The following PDLIM1 variants were observed in gnomAD, a reference collection of about 807,000 sequenced individuals.
PDLIM1 encodes the protein PDZ and LIM domain 1, also known as PDZ and LIM domain protein 1.
PDLIM1 carries 25 observed loss-of-function variants against 35.2 expected under a neutral mutation model. The observed-to-expected ratio is 0.71, with a 90% CI of 0.52 to 0.99. PDLIM1 has a LOEUF of 0.99. Ranked by LOEUF, PDLIM1 falls within the 50% of genes least tolerant of loss-of-function variation. PDLIM1 has a pLI of 0.00. For missense variants in PDLIM1, 363 were observed against 415.3 expected, an observed-to-expected ratio of 0.87 and a Z score of 1.09; for synonymous variants, 152 against 154.0, an observed-to-expected ratio of 0.99 and a Z score of 0.10.
chr10:95,264,003 C>A lies in PDLIM1; in HGVS notation c.394G>T (p.Ala132Ser), dbSNP rs150312539. ...ATGACCCTGGCAGTAGTGCTGGAGG[C>A]AGGCGAGGCGGTAAAGGGCATGGCA... The part of the protein sequence containing the change: ...RSAMPFTASP[A>S]SSTTARVITN... Residue 132 changes from alanine to serine, a missense_variant, in exon 4 of 7, where the codon GCC (alanine) becomes TCC (serine). Physicochemically the swap from Ala to Ser is moderately conservative, Grantham distance 99. Transcript: ENST00000329399. The A allele has an allele frequency of 2.6e-4, 423 of 1,613,800 alleles. 6 individuals carry two copies. In the East Asian group the frequency reaches 9.2e-3, roughly 35 times the overall value.
chr10:95,261,912 G>A (rs952129038), intron 4 of PDLIM1, among the ~76,000 whole-genome samples: 2 of 152,030 alleles, frequency 1.3e-5, no homozygotes, highest in Non-Finnish European at 2.9e-5. Flanking sequence ...GGAGGCTGAT[G>A]CAGAAGAATC....
At chr10:95,287,295 C>T (rs925405016) in intron 1 of PDLIM1, among the ~76,000 whole-genome samples, 1 of 152,194 alleles carries the variant, frequency 6.6e-6, no homozygotes, top group African/African-American at 2.4e-5. Context: ...ACAAACCCTT[C>T]TCTTTCAATC....
intron 4 of PDLIM1, among the ~76,000 whole-genome samples, chr10:95,263,191 G>A: frequency 6.7e-6 from 1 of 148,482 alleles, no homozygotes; most frequent in South Asian, 2.1e-4. Context: ...CAGATGATCT[G>A]TGACAGAAGA....
At chr10:95,279,214 A>G (rs149822117) in intron 1 of PDLIM1, among the ~76,000 whole-genome samples, 339 of 152,250 alleles carry the variant, frequency 2.2e-3, no homozygotes, top group Non-Finnish European at 3.9e-3. Context: ...TATGAGACAC[A>G]TGCTCTCCAT....
At chr10:95,244,209 C>G (rs1043965297) in intron 5 of PDLIM1, among the ~76,000 whole-genome samples, 1 of 152,162 alleles carries the variant, frequency 6.6e-6, no homozygotes, top group East Asian at 1.9e-4. Context: ...CCAAGGGCCC[C>G]TTTCTCCTAG....
intron 5 of PDLIM1, 84 bp downstream of exon 5, chr10:95,247,131 G>T: frequency 8.2e-7 from 1 of 1,218,452 alleles, no homozygotes; most frequent in Non-Finnish European, 1.2e-6. Context: ...AGGCTCCAGA[G>T]TGTGTTCACC....
chr10:95,268,539 G>A (rs1334161718), intron 3 of PDLIM1, among the ~76,000 whole-genome samples: 1 of 152,080 alleles, frequency 6.6e-6, no homozygotes, highest in African/African-American at 2.4e-5. Context: ...TTCCCTTATC[G>A]CCTTCCGACC....
chr10:95,254,732 C>T (rs574626896), intron 4 of PDLIM1, among the ~76,000 whole-genome samples: 1 of 152,160 alleles, frequency 6.6e-6, no homozygotes, highest in Non-Finnish European at 1.5e-5. Flanking sequence ...GCCTGGGAAA[C>T]ATGGTGAAAC....
At chr10:95,241,370 T>C (rs1197325689) in intron 5 of PDLIM1, among the ~76,000 whole-genome samples, 7 of 152,210 alleles carry the variant, frequency 4.6e-5, no homozygotes. Flanking sequence ...AAGGGGCATT[T>C]AGAATACATG....
At chr10:95,285,199 G>C (rs1173203024) in intron 1 of PDLIM1, among the ~76,000 whole-genome samples, 2 of 152,148 alleles carry the variant, frequency 1.3e-5, no homozygotes, top group Non-Finnish European at 2.9e-5. Context: ...AATTCTCCCA[G>C]GTGGGGCCAT....
At chr10:95,274,353 G>A (rs1189768594) in intron 1 of PDLIM1, among the ~76,000 whole-genome samples, 2 of 149,590 alleles carry the variant, frequency 1.3e-5, no homozygotes, top group Admixed American at 6.7e-5. Context: ...GTGTACAGTG[G>A]CGCAGTCTCG....
intron 1 of PDLIM1, among the ~76,000 whole-genome samples, chr10:95,279,222 C>G (rs1045344965): frequency 6.6e-6 from 1 of 152,280 alleles, no homozygotes; most frequent in Admixed American, 6.5e-5. Flanking sequence ...ACATGCTCTC[C>G]ATTTAGCCAC....
At chr10:95,246,599 A>C (rs2035223390) in intron 5 of PDLIM1, among the ~76,000 whole-genome samples, 1 of 152,156 alleles carries the variant, frequency 6.6e-6, no homozygotes, top group African/African-American at 2.4e-5. Context: ...TTTCATGACC[A>C]TGATAATCTT....
At chr10:95,257,027 AAAGAAAG>A (rs1392860303) in intron 4 of PDLIM1, among the ~76,000 whole-genome samples, 9 of 150,200 alleles carry the variant, frequency 6.0e-5, no homozygotes, top group Non-Finnish European at 1.3e-4. Flanking sequence ...AGAAAGAAAG[AAAGAAAG>A]AAAGAATTCA....
chr10:95,284,454 A>T (rs11188259), intron 1 of PDLIM1, among the ~76,000 whole-genome samples: 6,059 of 152,036 alleles, frequency 0.04, 539 homozygotes, highest in East Asian at 0.38. Context: ...CCCAAGTTAG[A>T]GCAATTCTCC....
intron 2 of PDLIM1, among the ~76,000 whole-genome samples, chr10:95,271,166 G>A (rs1263094985): frequency 6.6e-6 from 1 of 151,838 alleles, no homozygotes; most frequent in African/African-American, 2.4e-5. Context: ...GCTGGGCACG[G>A]TGGCTCACAC....
At chr10:95,240,080 G>A (rs528059535) in intron 5 of PDLIM1, among the ~76,000 whole-genome samples, 1 of 152,194 alleles carries the variant, frequency 6.6e-6, no homozygotes, top group South Asian at 2.1e-4. Flanking sequence ...ACAGTGTGGT[G>A]AGTCCTCAAA....
chr10:95,280,999 C>T (rs2035556457), intron 1 of PDLIM1, among the ~76,000 whole-genome samples: 1 of 152,162 alleles, frequency 6.6e-6, no homozygotes, highest in South Asian at 2.1e-4. Context: ...CAGTGAAACC[C>T]AAGAACCCAT....
chr10:95,264,105 A>AT, intron 3 of PDLIM1, 42 bp from the exon 4 acceptor site: 1 of 1,536,826 alleles, frequency 6.5e-7, no homozygotes, highest in South Asian at 1.1e-5. Context: ...GGGGCATCCA[A>AT]TGCAAACCCC....
Sources: gnomAD v4.1 joint callset for allele counts (sites outside exome capture counted in the v4.1 genomes callset) on GRCh38, gnomAD v4.1.1 for gene constraint, MANE v1.5 for transcripts, NCBI Gene and HGNC (gene_info 2026-07-23, HGNC 2026-07-21) for gene names.